The following CAPN2 variants were observed in gnomAD, a reference collection of about 807,000 sequenced individuals.
CAPN2 encodes the protein calpain 2.
A neutral mutation model predicts 102.3 loss-of-function variants in CAPN2; 92 were observed. The observed-to-expected ratio is 0.90, with a 90% confidence interval of 0.76 to 1.07. CAPN2 has a LOEUF of 1.07. CAPN2 is among the 50% of genes least tolerant of loss of function. The pLI is 0.00. For synonymous variants in CAPN2, 340 were observed against 355.4 expected, an observed-to-expected ratio of 0.96 and a Z score of 0.49; for missense variants, 800 against 909.4, an observed-to-expected ratio of 0.88 and a Z score of 1.55.
chr1:223,771,861 T>C lies in CAPN2; in HGVS notation c.1956T>C (p.Asp652=), dbSNP rs1220453978. 4.3e-6 allele frequency: 7 copies of C among 1,614,096 alleles called. No individual in the cohort carries two copies. The highest frequency in any genetic ancestry group is 5.9e-6 in the Non-Finnish European group (7 of 1,180,030). The change falls in exon 19 of 21, where the codon GAT becomes GAC. Residue 652 remains aspartate, a synonymous_variant. Coordinates refer to ENST00000295006, the MANE Select transcript of CAPN2 (RefSeq NM_001748.5). ...AAGTCATCGTTGCTCGGTTTGCAGA[T>C]GACCAGCTCATCATCGATTTTGATA... ...LHQVIVARFA[D]DQLIIDFDNF...
At chr1:223,770,424 T>TA in intron 17 of CAPN2, 23 bp from the exon 18 acceptor site, 1 of 1,586,806 alleles carries the variant, frequency 6.3e-7, no homozygotes, top group Non-Finnish European at 8.7e-7. Flanking sequence ...TCATAGTTCT[T>TA]ACAGCTAACT....
intron 2 of CAPN2, 141 bp from the exon 3 acceptor site, chr1:223,743,959 A>G (rs1198518040): frequency 2.9e-6 from 2 of 679,436 alleles, no homozygotes; most frequent in East Asian, 2.5e-5. Context: ...CCCAACCCTC[A>G]TATGGGGGAC....
chr1:223,720,904 G>A (rs532294948), intron 2 of CAPN2, among the ~76,000 whole-genome samples: 3 of 152,238 alleles, frequency 2.0e-5, no homozygotes, highest in South Asian at 4.2e-4. Context: ...CCATAGTGCT[G>A]TGCTGAGGAA....
chr1:223,753,881 T>G (rs1660967007), intron 9 of CAPN2, among the ~76,000 whole-genome samples: 1 of 152,254 alleles, frequency 6.6e-6, no homozygotes, highest in Non-Finnish European at 1.5e-5. Flanking sequence ...ATATGTTATG[T>G]ATATACAAAT....
intron 2 of CAPN2, among the ~76,000 whole-genome samples, chr1:223,737,708 G>A (rs199835310): frequency 2.3e-4 from 5 of 21,856 alleles, no homozygotes; most frequent in Non-Finnish European, 6.3e-4. Context: ...GAGACGGGGC[G>A]GGGGGTGGGG....
chr1:223,720,284 A>G (rs1660017003), intron 2 of CAPN2, among the ~76,000 whole-genome samples: 1 of 150,422 alleles, frequency 6.6e-6, no homozygotes, highest in African/African-American at 2.5e-5. Flanking sequence ...TTAGAGCACT[A>G]CAAGATCATC....
At chr1:223,753,012 C>T in intron 9 of CAPN2, 56 bp downstream of exon 9, 1 of 1,545,614 alleles carries the variant, frequency 6.5e-7, no homozygotes, top group Non-Finnish European at 8.9e-7. Flanking sequence ...AAGGCCAAAG[C>T]TCCCCTTACC....
intron 1 of CAPN2, among the ~76,000 whole-genome samples, chr1:223,715,547 G>A (rs1328582603): frequency 2.0e-5 from 3 of 152,098 alleles, no homozygotes; most frequent in South Asian, 2.1e-4. Flanking sequence ...GCTCTTCCTC[G>A]GAGAGAGGAT....
At position 223,755,450 on chromosome 1, in the gene CAPN2, C is replaced by T. The variant is rs1189615519; in HGVS notation, c.1136-30C>T. 1 of 1,611,994 alleles carries T rather than the reference C, an allele frequency of 6.2e-7. No individual in the cohort carries two copies. Among genetic ancestry groups the T allele is most frequent in the African/African-American group, 1.3e-5 (1 of 74,880 alleles). On this transcript the variant is annotated intron_variant, in intron 9 of 20. Coordinates refer to ENST00000295006, the MANE Select transcript of CAPN2 (RefSeq NM_001748.5). This position sits in a 1 kb window ranked among gnomAD's most constrained non-coding sequence, Gnocchi z 4.1. ...CACCCCCATGCATTCCTGCTCAGGG[C>T]TGGGCTCCTCTGCCCCTTTCTGGCT...
At chr1:223,769,757 C>A (rs1240833090) in intron 16 of CAPN2, 84 bp from the exon 17 acceptor site, 4 of 1,006,146 alleles carry the variant, frequency 4.0e-6, no homozygotes, top group Non-Finnish European at 6.2e-6. Context: ...CTATGATATT[C>A]AAAAGATCCA....
intron 5 of CAPN2, among the ~76,000 whole-genome samples, 158 bp downstream of exon 5, chr1:223,747,323 C>T (rs28370056): frequency 3.3e-4 from 50 of 152,276 alleles, no homozygotes; most frequent in African/African-American, 1.1e-3. Flanking sequence ...CTCTGAAGGT[C>T]CGCTGAAAAT....
chr1:223,730,613 A>G (rs1042989789), intron 2 of CAPN2, among the ~76,000 whole-genome samples: 1 of 152,144 alleles, frequency 6.6e-6, no homozygotes, highest in African/African-American at 2.4e-5. Context: ...TTGGTATCTT[A>G]TTGCTAGGAA....
intron 9 of CAPN2, among the ~76,000 whole-genome samples, chr1:223,753,701 A>G (rs1660962563): frequency 6.6e-6 from 1 of 152,216 alleles, no homozygotes; most frequent in Non-Finnish European, 1.5e-5. Context: ...ACAGGTGGAA[A>G]ATTCGACACT....
In CAPN2 at chr1:223,745,576, G is replaced by C. The variant is rs928645271; in HGVS notation, c.560+137G>C. 3 of 878,164 alleles carry C rather than the reference G, an allele frequency of 3.4e-6. No individual in the cohort carries two copies. The African/African-American group carries it at 4.9e-5, about 14-fold the overall frequency. The allele number at this position is 878,164 out of a possible 1,614,324, so 54.4% of individuals were successfully genotyped here. Reference sequence around the variant, plus strand: ...ATTTGAGGTCAGGAGTTCGAGACCAGCCTGGCCAACATGATGAAACCCCGT... The same window carrying C: ...ATTTGAGGTCAGGAGTTCGAGACCACCCTGGCCAACATGATGAAACCCCGT... On this transcript the variant is annotated intron_variant, in intron 4 of 20. Coordinates refer to ENST00000295006, the MANE Select transcript of CAPN2 (RefSeq NM_001748.5).
chr1:223,707,665 G>A (rs61598725), upstream of CAPN2, among the ~76,000 whole-genome samples: 1,427 of 152,320 alleles, frequency 9.4e-3, 23 homozygotes, highest in African/African-American at 0.032. Context: ...CTCTATGTGC[G>A]CAGCGATCCC....
chr1:223,752,135 C>A, intron 8 of CAPN2, 64 bp downstream of exon 8: 1 of 1,149,496 alleles, frequency 8.7e-7, no homozygotes, highest in Non-Finnish European at 1.3e-6. Flanking sequence ...TAGAAAACTG[C>A]TAATTAGAAA....
intron 7 of CAPN2, among the ~76,000 whole-genome samples, chr1:223,751,200 G>A (rs1029506241): frequency 1.6e-4 from 24 of 152,138 alleles, no homozygotes; most frequent in Admixed American, 1.2e-3. Flanking sequence ...CAAGCTGCTC[G>A]TGTGAAGTTC....
intron 2 of CAPN2, among the ~76,000 whole-genome samples, chr1:223,734,129 C>T (rs1167428796): frequency 1.3e-5 from 2 of 152,176 alleles, no homozygotes; most frequent in African/African-American, 4.8e-5. Context: ...CCCCGGGATC[C>T]AGCGCTACAG....
At chr1:223,769,783 T>C in intron 16 of CAPN2, 58 bp from the exon 17 acceptor site, 2 of 1,289,046 alleles carry the variant, frequency 1.6e-6, no homozygotes, top group Non-Finnish European at 2.2e-6. Flanking sequence ...GAAGACAAAC[T>C]AGGTGACACT....
Sources: gnomAD v4.1 joint callset for allele counts (sites outside exome capture counted in the v4.1 genomes callset) on GRCh38, gnomAD v4.1.1 for gene constraint, Gnocchi (gnomAD v3.1) non-coding constraint, MANE v1.5 for transcripts, NCBI Gene and HGNC (gene_info 2026-07-23, HGNC 2026-07-21) for gene names.